Variants in DPPA3 observed in about 807,000 individuals in gnomAD.
DPPA3 encodes developmental pluripotency-associated protein 3.
DPPA3 carries 9 observed loss-of-function variants against 15.6 expected under a neutral mutation model. The observed-to-expected ratio is 0.58, with a 90% CI of 0.35 to 1.01. The LOEUF is 1.01. Among genes scored for constraint, DPPA3 ranks in the 50% least tolerant of loss-of-function variants. The probability of loss-of-function intolerance (pLI) is 0.02; values close to 1 mark genes in which losing one functional copy is unlikely to be tolerated. For synonymous variants in DPPA3, 61 were observed against 70.9 expected (o/e 0.86, Z 0.70); for missense variants, 148 against 194.6 (o/e 0.76, Z 1.42).
chr12:7,711,711 GGCT>G, intron 1 of DPPA3, 59 bp downstream of exon 1: 1 of 712,148 alleles, frequency 1.4e-6, no homozygotes, highest in Non-Finnish European at 2.1e-6. Flanking sequence ...GAGGTCAAAA[GGCT>G]GCCGTCTTTT....
chr12:7,714,498 G>A (rs1045960330), intron 1 of DPPA3, among the ~76,000 whole-genome samples: 5 of 151,868 alleles, frequency 3.3e-5, no homozygotes, highest in Non-Finnish European at 7.4e-5. Flanking sequence ...CTGTACAAGT[G>A]ACTTCTTCCT....
Position 7,711,504 on chromosome 12 carries a change from G to A in DPPA3, c.-67G>A. 1 of 1,461,094 alleles carries A rather than the reference G, an allele frequency of 6.8e-7. No homozygotes were observed. The highest frequency in any genetic ancestry group is 9.3e-7 in the Non-Finnish European group (1 of 1,078,382). The allele number at this position is 1,461,094 out of a possible 1,614,324, so 90.5% of individuals were successfully genotyped here. A position where few individuals can be genotyped will look rare whatever the true frequency, so the allele number is the denominator to read the frequency against. ...CCGGGCTACCTGGTAGCAATTTGAG[G>A]CTCTGTCATCAGTTTCTGCTACGTT... On this transcript the variant is annotated 5_prime_UTR_variant, in exon 1 of 4. Coordinates refer to ENST00000345088, the MANE Select transcript of DPPA3 (RefSeq NM_199286.4).
intron 2 of DPPA3, 38 bp from the exon 3 acceptor site, chr12:7,716,160 T>A (rs1207460562): frequency 1.3e-6 from 2 of 1,508,442 alleles, no homozygotes; most frequent in Non-Finnish European, 1.8e-6. Flanking sequence ...AATCTTTTTC[T>A]TGATAGTTTT....
chr12:7,715,105 C>T, intron 1 of DPPA3, 78 bp from the exon 2 acceptor site: 22 of 1,598,516 alleles, frequency 1.4e-5, no homozygotes, highest in Non-Finnish European at 1.9e-5. Flanking sequence ...CCCTGTTCCC[C>T]TGCTTAAGGG....
intron 3 of DPPA3, among the ~76,000 whole-genome samples, chr12:7,716,730 TTTA>T (rs1864405011): frequency 6.6e-6 from 1 of 152,160 alleles, no homozygotes; most frequent in Admixed American, 6.5e-5. Flanking sequence ...ACTAGAATGT[TTTA>T]TTGACAGTCT....
At chr12:7,713,539 C>T (rs7969455) in intron 1 of DPPA3, among the ~76,000 whole-genome samples, 40,292 of 151,972 alleles carry the variant, frequency 0.27, 6,602 homozygotes, top group Admixed American at 0.41. Flanking sequence ...TAACGATAAC[C>T]TTCTTATTGT....
At chr12:7,713,513 C>A (rs1441382882) in intron 1 of DPPA3, among the ~76,000 whole-genome samples, 1 of 152,162 alleles carries the variant, frequency 6.6e-6, no homozygotes, top group African/African-American at 2.4e-5. Context: ...AAACAAAACA[C>A]ACATACACGG....
At chr12:7,714,228 TTAATAA>T (rs747071075) in intron 1 of DPPA3, among the ~76,000 whole-genome samples, 6 of 151,506 alleles carry the variant, frequency 4.0e-5, no homozygotes, top group East Asian at 3.9e-4. Context: ...AGACTCCGTC[TTAATAA>T]TAATAATAAT....
intron 2 of DPPA3, among the ~76,000 whole-genome samples, chr12:7,715,746 G>C (rs957083167): frequency 6.6e-6 from 1 of 152,104 alleles, no homozygotes; most frequent in Non-Finnish European, 1.5e-5. Flanking sequence ...GCAGTGTGCC[G>C]AGATTGTGCC....
chr12:7,715,085 C>T, intron 1 of DPPA3, 98 bp from the exon 2 acceptor site: 1 of 1,555,810 alleles, frequency 6.4e-7, no homozygotes, highest in Non-Finnish European at 8.8e-7. Context: ...GAGGAATTTC[C>T]CACACAGCGC....
chr12:7,714,843 C>G (rs1207618279), intron 1 of DPPA3, among the ~76,000 whole-genome samples: 9 of 151,678 alleles, frequency 5.9e-5, no homozygotes, highest in African/African-American at 1.7e-4. Flanking sequence ...CTCCCAAGTA[C>G]CTGGGACTAC....
Position 7,714,179 on chromosome 12 carries a change from G to A in DPPA3, c.83-1004G>A, listed in dbSNP as rs1010470533. Among the ~76,000 whole-genome samples the A allele has an allele frequency of 1.2e-4, 18 of 147,294 alleles. No individual in the cohort carries two copies. In the East Asian group the frequency reaches 3.7e-3, roughly 30 times the overall value. ...CGGGAGGCGGAGCTTGCAGTGAGCCGAGATGGCGCCACTGCACTCCAGCCT... is the reference window on the plus strand; with the variant it reads ...CGGGAGGCGGAGCTTGCAGTGAGCCAAGATGGCGCCACTGCACTCCAGCCT... On this transcript the variant is annotated intron_variant, in intron 1 of 3. Transcript: ENST00000345088.
At chr12:7,715,518 C>G (rs1250677719) in intron 2 of DPPA3, 91 bp downstream of exon 2, 2 of 1,583,192 alleles carry the variant, frequency 1.3e-6, no homozygotes, top group East Asian at 2.3e-5. Context: ...GCTCTAGGCC[C>G]GGTGCGGTGG....
intron 1 of DPPA3, among the ~76,000 whole-genome samples, 190 bp from the exon 2 acceptor site, chr12:7,714,993 G>A (rs996890195): frequency 3.3e-5 from 5 of 152,104 alleles, no homozygotes; most frequent in Admixed American, 2.0e-4. Context: ...GATTACAGGC[G>A]TGAGCCACCG....
chr12:7,711,899 CAGATTT>C (rs1864349814), intron 1 of DPPA3, among the ~76,000 whole-genome samples: 2 of 147,950 alleles, frequency 1.4e-5, no homozygotes, highest in African/African-American at 5.0e-5. Flanking sequence ...AGGAGTACTT[CAGATTT>C]CTTTCTTTTT....
intron 1 of DPPA3, 65 bp downstream of exon 1, chr12:7,711,717 CGTCTTTTTTTTTT>C: frequency 3.6e-6 from 2 of 560,450 alleles, no homozygotes; most frequent in Non-Finnish European, 5.2e-6. Flanking sequence ...AAAAGGCTGC[CGTCTTTTTTTTTT>C]TTTTTTTTTT....
intron 3 of DPPA3, among the ~76,000 whole-genome samples, 170 bp downstream of exon 3, chr12:7,716,409 A>C (rs1864399764): frequency 2.6e-5 from 4 of 152,016 alleles, no homozygotes; most frequent in Admixed American, 2.6e-4. Context: ...GTTTTTAAAA[A>C]TATATTCTTT....
chr12:7,714,119 G>T (rs1180646939), intron 1 of DPPA3, among the ~76,000 whole-genome samples: 3 of 151,686 alleles, frequency 2.0e-5, no homozygotes, highest in Non-Finnish European at 4.4e-5. Context: ...AGTCCCAGCT[G>T]CTCGGGAGGC....
At chr12:7,715,516 C>T (rs908834878) in intron 2 of DPPA3, 89 bp downstream of exon 2, 1 of 1,587,806 alleles carries the variant, frequency 6.3e-7, no homozygotes, top group Non-Finnish European at 8.6e-7. Context: ...TAGCTCTAGG[C>T]CCGGTGCGGT....
Sources: allele counts gnomAD v4.1 joint callset (sites outside exome capture counted in the v4.1 genomes callset), GRCh38; gene constraint gnomAD v4.1.1; transcripts MANE v1.5; gene names NCBI Gene and HGNC (gene_info 2026-07-23, HGNC 2026-07-21).